The following NRXN1 variants were observed in gnomAD, a reference collection of about 807,000 sequenced individuals.
The protein encoded by NRXN1 is neurexin-1.
In NRXN1, 39 loss-of-function variants were observed where a neutral mutation model predicts 150.9. The observed-to-expected ratio is 0.26, with a 90% CI of 0.20 to 0.34. NRXN1 has a LOEUF of 0.34. Ranked by LOEUF, NRXN1 falls within the 10% of genes least tolerant of loss-of-function variation. The pLI, the probability that NRXN1 is intolerant of heterozygous loss-of-function variation, is 1.00. For missense variants in NRXN1, 1,815 were observed against 1,949.9 expected, an observed-to-expected ratio of 0.93 and a Z score of 1.30; for synonymous variants, 924 against 757.0, an observed-to-expected ratio of 1.22 and a Z score of -3.62.
intron 2 of NRXN1, among the ~76,000 whole-genome samples, chr2:50,943,571 G>A (rs1024969684): frequency 6.6e-6 from 1 of 152,144 alleles, no homozygotes; most frequent in Non-Finnish European, 1.5e-5. Flanking sequence ...CCCTAAGCAA[G>A]ACTAATTCTC....
At chr2:50,775,535 T>C (rs1703509625) in intron 5 of NRXN1, among the ~76,000 whole-genome samples, 1 of 152,172 alleles carries the variant, frequency 6.6e-6, no homozygotes, top group South Asian at 2.1e-4. Flanking sequence ...TGAGAATCCC[T>C]AAGTTCCTGT....
chr2:49,928,569 T>C (rs566952642), intron 22 of NRXN1, among the ~76,000 whole-genome samples: 2 of 152,274 alleles, frequency 1.3e-5, no homozygotes, highest in South Asian at 2.1e-4. Flanking sequence ...ATTGGAATTG[T>C]AGCCTCCTGG....
intron 5 of NRXN1, among the ~76,000 whole-genome samples, chr2:50,722,790 T>A (rs1696849719): frequency 6.6e-6 from 1 of 152,148 alleles, no homozygotes; most frequent in African/African-American, 2.4e-5. Context: ...TTGGGGAAAG[T>A]AAAATTCCTA....
chr2:50,465,627 T>G, intron 16 of NRXN1, 66 bp from the exon 17 acceptor site: 1 of 1,506,072 alleles, frequency 6.6e-7, no homozygotes, highest in East Asian at 2.5e-5. Flanking sequence ...ATACATGAGC[T>G]AGATCACATG....
At chr2:50,999,471 G>A (rs1336675414) in intron 2 of NRXN1, among the ~76,000 whole-genome samples, 1 of 151,956 alleles carries the variant, frequency 6.6e-6, no homozygotes, top group Non-Finnish European at 1.5e-5. Flanking sequence ...CATCTTCTAT[G>A]TGACAAGCAC....
Position 50,076,435 on chromosome 2 carries a change from C to T in NRXN1, c.3718+14888G>A, listed in dbSNP as rs566669782. Among the ~76,000 whole-genome samples the T allele has an allele frequency of 1.4e-3, 210 of 152,314 alleles. 1 individual carries two copies. The highest frequency in any genetic ancestry group is 0.014 in the Middle Eastern group (4 of 294). On this transcript the variant is annotated intron_variant, in intron 19 of 22. Transcript: ENST00000401669. ...TTACCAGGTTTTTACCAATTTCTAA[C>T]TGTTTTGAAATTAATAACTCATTTA...
At chr2:50,605,091 T>C (rs1056863089) in intron 8 of NRXN1, among the ~76,000 whole-genome samples, 1 of 152,208 alleles carries the variant, frequency 6.6e-6, no homozygotes, top group Non-Finnish European at 1.5e-5. Flanking sequence ...AATGCTATGA[T>C]AGAGATAATT....
intron 8 of NRXN1, among the ~76,000 whole-genome samples, chr2:50,604,986 T>C (rs1461309319): frequency 6.6e-6 from 1 of 152,192 alleles, no homozygotes; most frequent in East Asian, 1.9e-4. Flanking sequence ...ACTAGCACCA[T>C]TACATACAAC....
intron 19 of NRXN1, among the ~76,000 whole-genome samples, chr2:50,075,247 G>C (rs1430816454): frequency 6.6e-6 from 1 of 152,040 alleles, no homozygotes; most frequent in Non-Finnish European, 1.5e-5. Context: ...CTACTTTGAC[G>C]AGTCACTGAA....
At chr2:50,824,907 G>C (rs181568330) in intron 5 of NRXN1, among the ~76,000 whole-genome samples, 19 of 152,298 alleles carry the variant, frequency 1.2e-4, no homozygotes, top group Non-Finnish European at 1.5e-5. Flanking sequence ...GAAAGATTAG[G>C]TGCAGGCATC....
At chr2:50,235,654 C>G (rs2065344744) in intron 18 of NRXN1, among the ~76,000 whole-genome samples, 1 of 152,096 alleles carries the variant, frequency 6.6e-6, no homozygotes, top group Non-Finnish European at 1.5e-5. Flanking sequence ...CCGATGACCA[C>G]TTTCTAACAG....
rs185656843 is a variant in NRXN1, at chr2:50,328,570, C to T, written c.3365-91600G>A. On this transcript the variant is annotated intron_variant, in intron 17 of 22. Coordinates refer to ENST00000401669, the MANE Select transcript of NRXN1 (RefSeq NM_001330078.2). ...GCCAACAGGGTGAAACCCATCTTTA[C>T]GAAAAATACAAAAAAAAATAGCTGG... Among the ~76,000 whole-genome samples, 38 of 151,642 alleles carry T rather than the reference C, an allele frequency of 2.5e-4. 1 individual carries two copies. In the East Asian group the frequency reaches 2.9e-3, roughly 12 times the overall value.
At chr2:50,920,665 TA>T (rs1316708269) in intron 5 of NRXN1, among the ~76,000 whole-genome samples, 1 of 151,646 alleles carries the variant, frequency 6.6e-6, no homozygotes, top group East Asian at 2.0e-4. Context: ...TGGCCTCAAG[TA>T]AAAATGTTTA....
chr2:50,427,356 A>C (rs1219196119), intron 17 of NRXN1, among the ~76,000 whole-genome samples: 1 of 140,524 alleles, frequency 7.1e-6, no homozygotes, highest in East Asian at 2.3e-4. Flanking sequence ...TGCAACATAT[A>C]TTCTGCCAAA....
intron 5 of NRXN1, among the ~76,000 whole-genome samples, chr2:50,785,397 T>C (rs1704965839): frequency 6.6e-6 from 1 of 151,854 alleles, no homozygotes; most frequent in Non-Finnish European, 1.5e-5. Context: ...TACAGGCACC[T>C]GCCACCACGC....
At chr2:51,000,808 A>G (rs767554157) in intron 2 of NRXN1, among the ~76,000 whole-genome samples, 1 of 152,008 alleles carries the variant, frequency 6.6e-6, no homozygotes, top group East Asian at 1.9e-4. Context: ...TTAATTTCCA[A>G]TAAAAATTAA....
At chr2:50,714,274 A>G (rs1020919557) in intron 5 of NRXN1, among the ~76,000 whole-genome samples, 1 of 152,148 alleles carries the variant, frequency 6.6e-6, no homozygotes, top group Non-Finnish European at 1.5e-5. Context: ...CAAGAGGCCA[A>G]ATGAAATCCT....
rs1682767380 is a variant in NRXN1 at position 50,900,539 on chromosome 2, A to G, written c.832+21330T>C. Among the ~76,000 whole-genome samples, 2 of 152,190 alleles carry G rather than the reference A, an allele frequency of 1.3e-5. 1 individual carries two copies. The highest frequency in any genetic ancestry group is 4.1e-4 in the South Asian group (2 of 4,832). On this transcript the variant is annotated intron_variant, in intron 5 of 22. Coordinates refer to ENST00000401669, the MANE Select transcript of NRXN1 (RefSeq NM_001330078.2). ...AGGCATTTCAGGTGGGAAGGCGGGTACAAGTAAGAAAATAGAATTGGAAAC... is the reference window on the plus strand; with the variant it reads ...AGGCATTTCAGGTGGGAAGGCGGGTGCAAGTAAGAAAATAGAATTGGAAAC...
At chr2:50,981,284 C>A (rs1379748392) in intron 2 of NRXN1, among the ~76,000 whole-genome samples, 1 of 151,186 alleles carries the variant, frequency 6.6e-6, no homozygotes, top group Non-Finnish European at 1.5e-5. Context: ...TGGTGAAACC[C>A]CTTCTCTACA....
Sources: gnomAD v4.1 joint callset for allele counts (sites outside exome capture counted in the v4.1 genomes callset) on GRCh38, gnomAD v4.1.1 for gene constraint, MANE v1.5 for transcripts, NCBI Gene and HGNC (gene_info 2026-07-23, HGNC 2026-07-21) for gene names.